ARFGEF3: variants seen among roughly 807,000 people sequenced by gnomAD.
ARFGEF3 encodes ARFGEF family member 3.
In ARFGEF3, 96 loss-of-function variants were observed where a neutral mutation model predicts 221.7. The observed-to-expected ratio is 0.43, with a 90% CI of 0.37 to 0.51. The LOEUF (loss-of-function observed/expected upper bound fraction) is 0.51, where lower values mean the gene tolerates loss of function less well. ARFGEF3 is among the 20% of genes least tolerant of loss of function. The pLI is 0.00. For synonymous variants in ARFGEF3, 1,145 were observed against 1,126.8 expected (o/e 1.02, Z -0.32); for missense variants, 2,410 against 2,789.9 (o/e 0.86, Z 3.07).
intron 12 of ARFGEF3, among the ~76,000 whole-genome samples, chr6:138,276,993 AT>A (rs1779110146): frequency 6.6e-6 from 1 of 152,138 alleles, no homozygotes; most frequent in Non-Finnish European, 1.5e-5. Flanking sequence ...TTACATTATT[AT>A]TTGTTTTCAT....
At chr6:138,265,130 C>G (rs113201413) in intron 12 of ARFGEF3, among the ~76,000 whole-genome samples, 1 of 152,084 alleles carries the variant, frequency 6.6e-6, no homozygotes, top group South Asian at 2.1e-4. Context: ...GTCTCGATCT[C>G]CTGACCTTGT....
rs1780394120 is a variant in ARFGEF3, at chr6:138,339,739, G to GCTCCTGTAT, written c.*3260_*3268dup. The GCTCCTGTAT allele has an allele frequency of 6.6e-6, 1 of 152,130 alleles. No individual in the cohort carries two copies. Among genetic ancestry groups the GCTCCTGTAT allele is most frequent in the Non-Finnish European group, 1.5e-5 (1 of 68,036 alleles). The allele number at this position is 152,130 out of a possible 1,614,324, so 9.4% of individuals were successfully genotyped here. ...TGCACTGTCCACAGCATCTCACCTA[G>GCTCCTGTAT]CTCCTGTATCTCCTGATCTGCTTTT... On this transcript the variant is annotated 3_prime_UTR_variant, in exon 34 of 34. Coordinates refer to ENST00000251691, the MANE Select transcript of ARFGEF3 (RefSeq NM_020340.5).
chr6:138,174,793 C>T (rs1776905912), intron 2 of ARFGEF3, among the ~76,000 whole-genome samples: 1 of 152,028 alleles, frequency 6.6e-6, no homozygotes, highest in African/African-American at 2.4e-5. Context: ...TCTTTTGCCA[C>T]TTATTTGTTA....
At chr6:138,301,955 G>A (rs983549316) in intron 22 of ARFGEF3, among the ~76,000 whole-genome samples, 1 of 152,124 alleles carries the variant, frequency 6.6e-6, no homozygotes, top group African/African-American at 2.4e-5. Context: ...AGATTCCATA[G>A]ACTTAGTCTG....
chr6:138,255,432 C>G lies in ARFGEF3; in HGVS notation c.771-4C>G, dbSNP rs777816123. 7.7e-6 allele frequency: 12 copies of G among 1,567,104 alleles called. 1 individual carries two copies. The South Asian group carries it at 1.3e-4, about 17-fold the overall frequency. Reference sequence around the variant, plus strand: ...AAGTTACTTTTCTCACCATCTCTTCCCAGGAAAAACCTCTGCCCTGCTCTC... The same window carrying G: ...AAGTTACTTTTCTCACCATCTCTTCGCAGGAAAAACCTCTGCCCTGCTCTC... On this transcript the variant is annotated splice_region_variant and splice_polypyrimidine_tract_variant and intron_variant, in intron 9 of 33. Transcript: ENST00000251691.
chr6:138,188,929 G>A (rs1465846516), intron 2 of ARFGEF3, among the ~76,000 whole-genome samples: 1 of 152,200 alleles, frequency 6.6e-6, no homozygotes, highest in Non-Finnish European at 1.5e-5. Flanking sequence ...CAGGATCGAT[G>A]GGGATGTTCA....
At chr6:138,240,035 T>C (rs1003840044) in intron 6 of ARFGEF3, among the ~76,000 whole-genome samples, 7 of 151,704 alleles carry the variant, frequency 4.6e-5, no homozygotes, top group African/African-American at 1.7e-4. Flanking sequence ...AAATATTGAT[T>C]TTTTTTCTTT....
At position 138,339,433 on chromosome 6, in the gene ARFGEF3, A is replaced by G. The variant is rs765977936; in HGVS notation, c.*2947A>G. On this transcript the variant is annotated 3_prime_UTR_variant, in exon 34 of 34. Transcript: ENST00000251691. ...AGACAAAATTCAAGGCAGCCTTTTA[A>G]AGTTACGAACAGTTATTAGCATGTA... The G allele has an allele frequency of 6.6e-6, 1 of 152,196 alleles. No homozygotes were observed. Among genetic ancestry groups the G allele is most frequent in the African/African-American group, 2.4e-5 (1 of 41,448 alleles). 9.4% of individuals were successfully genotyped at this position (152,196 alleles called of 1,614,324 possible). A position where few individuals can be genotyped will look rare whatever the true frequency, so the allele number is the denominator to read the frequency against.
rs78221984 is a variant in ARFGEF3 at position 138,182,837 on chromosome 6, G to C, written c.137+12124G>C. Among the ~76,000 whole-genome samples, 256 of 152,184 alleles carry C rather than the reference G, an allele frequency of 1.7e-3. 2 individuals carry two copies. The highest frequency in any genetic ancestry group is 5.9e-3 in the African/African-American group (243 of 41,516). On this transcript the variant is annotated intron_variant, in intron 2 of 33. Transcript: ENST00000251691. ...ATTACTGAGAGAAGATTTAGGATAG[G>C]GCTCATTTTTAGGCCTAAAGGAATC...
chr6:138,291,838 C>T lies in ARFGEF3; in HGVS notation c.3153C>T (p.Gly1051=). The change falls in exon 19 of 34, where the codon GGC becomes GGT. Residue 1051 remains glycine (G), a synonymous_variant. Coordinates refer to ENST00000251691, the MANE Select transcript of ARFGEF3 (RefSeq NM_020340.5). The surrounding 1 kb of genome is among the most constrained non-coding windows in gnomAD (Gnocchi z 4.5). ...SQPQKATGSA[G]LLGDPECEGS... ...CCCAGAAGGCCACTGGAAGCGCTGG[C>T]CTCCTTGGGGACCCCGAGTGTGAGG... 1 of 1,499,840 alleles carries T rather than the reference C, an allele frequency of 6.7e-7. No individual in the cohort carries two copies. The highest frequency in any genetic ancestry group is 8.9e-7 in the Non-Finnish European group (1 of 1,122,018). 92.9% of individuals were successfully genotyped at this position (1,499,840 alleles called of 1,614,324 possible).
At chr6:138,324,782 A>C (rs1044637630) in intron 31 of ARFGEF3, among the ~76,000 whole-genome samples, 9 of 152,336 alleles carry the variant, frequency 5.9e-5, no homozygotes, top group Middle Eastern at 3.4e-3. Context: ...GTCTTTGTTG[A>C]ATCAATAGGT....
intron 5 of ARFGEF3, among the ~76,000 whole-genome samples, chr6:138,237,603 T>C (rs1778311591): frequency 6.6e-6 from 1 of 152,152 alleles, no homozygotes; most frequent in Non-Finnish European, 1.5e-5. Context: ...AAGACCCAAA[T>C]AGGCCACCCT....
rs746366741 is a variant in ARFGEF3 at position 138,292,058 on chromosome 6, G to A, written c.3368+5G>A. 78 of 1,416,286 alleles carry A rather than the reference G, an allele frequency of 5.5e-5. No individual in the cohort carries two copies. The highest frequency in any genetic ancestry group is 4.8e-4 in the South Asian group (32 of 66,698). 87.7% of individuals were successfully genotyped at this position (1,416,286 alleles called of 1,614,324 possible). A position where few individuals can be genotyped will look rare whatever the true frequency, so the allele number is the denominator to read the frequency against. On this transcript the variant is annotated splice_donor_5th_base_variant and intron_variant, in intron 19 of 33. Coordinates refer to ENST00000251691, the MANE Select transcript of ARFGEF3 (RefSeq NM_020340.5). ...CCTCTCCACGCAAGCCGACAGGTGC[G>A]CGGCGCCGGCCTCCCACGCCCCGGG...
At chr6:138,231,737 T>C (rs1383368055) in intron 5 of ARFGEF3, among the ~76,000 whole-genome samples, 2 of 152,214 alleles carry the variant, frequency 1.3e-5, no homozygotes, top group Admixed American at 6.5e-5. Flanking sequence ...ACATTGACTA[T>C]TACTCATGAA....
intron 4 of ARFGEF3, among the ~76,000 whole-genome samples, chr6:138,221,407 T>G (rs1403954821): frequency 6.6e-6 from 1 of 152,144 alleles, no homozygotes; most frequent in Non-Finnish European, 1.5e-5. Flanking sequence ...CTTAGTGAGG[T>G]TGATGTGATT....
chr6:138,255,450 C>T lies in ARFGEF3; in HGVS notation c.785C>T (p.Pro262Leu). ...FTDLIWKNLC[P>L]ALIVILGNPI... ...TCTCTTCCCAGGAAAAACCTCTGCC[C>T]TGCTCTCATCGTGATCTTGGGGAAT... The change falls in exon 10 of 34, where the codon CCT becomes CTT. Residue 262 changes from proline to leucine, a missense_variant. Transcript: ENST00000251691. The T allele has an allele frequency of 6.2e-7, 1 of 1,604,082 alleles. No individual in the cohort carries two copies. Among genetic ancestry groups the T allele is most frequent in the Non-Finnish European group, 8.5e-7 (1 of 1,171,818 alleles).
At chr6:138,184,948 T>C (rs1423434292) in intron 2 of ARFGEF3, among the ~76,000 whole-genome samples, 1 of 152,120 alleles carries the variant, frequency 6.6e-6, no homozygotes, top group Non-Finnish European at 1.5e-5. Context: ...GTTTAGGGGG[T>C]AATTATTTGC....
intron 4 of ARFGEF3, among the ~76,000 whole-genome samples, chr6:138,219,716 G>A (rs1192920006): frequency 6.6e-6 from 1 of 152,048 alleles, no homozygotes; most frequent in East Asian, 1.9e-4. Context: ...TGGTCTTACG[G>A]GACTAATTTA....
At chr6:138,205,307 T>C (rs1777607188) in intron 2 of ARFGEF3, among the ~76,000 whole-genome samples, 1 of 152,174 alleles carries the variant, frequency 6.6e-6, no homozygotes, top group African/African-American at 2.4e-5. Flanking sequence ...TGGACCCCCA[T>C]GCTTGTTCCC....
Sources: allele counts gnomAD v4.1 joint callset (sites outside exome capture counted in the v4.1 genomes callset), GRCh38; gene constraint gnomAD v4.1.1; non-coding constraint Gnocchi (gnomAD v3.1); transcripts MANE v1.5; gene names NCBI Gene and HGNC (gene_info 2026-07-23, HGNC 2026-07-21).